Variants in DCC observed in about 807,000 individuals in gnomAD.
DCC encodes DCC netrin 1 receptor.
A neutral mutation model predicts 172.5 loss-of-function variants in DCC; 58 were observed. The ratio of observed to expected loss-of-function variants is 0.34; its 90% CI spans 0.27 to 0.42. The LOEUF (loss-of-function observed/expected upper bound fraction) is 0.42. Among genes scored for constraint, DCC ranks in the 10% least tolerant of loss-of-function variants. The probability of loss-of-function intolerance (pLI) is 1.00; values close to 1 mark genes in which losing one functional copy is unlikely to be tolerated. For missense variants in DCC, 1,740 were observed against 1,791.0 expected, an observed-to-expected ratio of 0.97 and a Z score of 0.51; for synonymous variants, 709 against 644.5, an observed-to-expected ratio of 1.10 and a Z score of -1.52.
intron 1 of DCC, among the ~76,000 whole-genome samples, chr18:52,433,013 C>T (rs1240435024): frequency 6.6e-6 from 1 of 152,044 alleles, no homozygotes; most frequent in African/African-American, 2.4e-5. Flanking sequence ...AAGAGTGTCA[C>T]AAATTTATTT....
At chr18:52,720,832 C>T (rs894866818) in intron 1 of DCC, among the ~76,000 whole-genome samples, 4 of 152,142 alleles carry the variant, frequency 2.6e-5, no homozygotes, top group Non-Finnish European at 4.4e-5. Flanking sequence ...ACCCCTTCCT[C>T]GGGATTTCTT....
chr18:53,360,961 C>T (rs1366708402), intron 15 of DCC, among the ~76,000 whole-genome samples: 1 of 152,106 alleles, frequency 6.6e-6, no homozygotes, highest in Non-Finnish European at 1.5e-5. Flanking sequence ...CCTCCAGAAC[C>T]TGTGACTGTG....
intron 1 of DCC, among the ~76,000 whole-genome samples, chr18:52,472,449 G>A (rs1024601930): frequency 9.9e-5 from 15 of 152,164 alleles, no homozygotes; most frequent in African/African-American, 2.7e-4. Context: ...GTTGGAGTAC[G>A]TTTGTCTTTG....
At chr18:53,493,308 C>G (rs2045980126) in intron 26 of DCC, among the ~76,000 whole-genome samples, 1 of 152,150 alleles carries the variant, frequency 6.6e-6, no homozygotes, top group Admixed American at 6.6e-5. Flanking sequence ...TAATTGAATA[C>G]TCTTTATTTC....
chr18:52,352,755 C>G (rs956635492), intron 1 of DCC, among the ~76,000 whole-genome samples: 3 of 152,110 alleles, frequency 2.0e-5, no homozygotes, highest in Non-Finnish European at 4.4e-5. Flanking sequence ...GAGATGTATT[C>G]CAGGCACAAG....
At position 52,984,581 on chromosome 18, in the gene DCC, CATTT is replaced by C. The variant is rs376636497; in HGVS notation, c.985+59217_985+59220del. Among the ~76,000 whole-genome samples, 12 of 152,078 alleles carry C rather than the reference CATTT, an allele frequency of 7.9e-5. No homozygotes were observed. The East Asian group carries it at 9.6e-4, about 12-fold the overall frequency. On this transcript the variant is annotated intron_variant, in intron 5 of 28. Coordinates refer to ENST00000442544, the MANE Select transcript of DCC (RefSeq NM_005215.4). ...TCCACTGTAATTAAGTGTGTTTATC[CATTT>C]ATTTAAGCCTTCAACTTTTATTATA...
chr18:53,132,424 A>G (rs1215139140), intron 7 of DCC, among the ~76,000 whole-genome samples: 9 of 152,160 alleles, frequency 5.9e-5, no homozygotes, highest in Admixed American at 5.9e-4. Context: ...TTCATCTAGA[A>G]AGACATGGGG....
intron 12 of DCC, among the ~76,000 whole-genome samples, chr18:53,295,077 C>T (rs1050276338): frequency 6.6e-6 from 1 of 152,028 alleles, no homozygotes; most frequent in African/African-American, 2.4e-5. Context: ...CCAACGTGTA[C>T]TTAAACATAC....
intron 2 of DCC, among the ~76,000 whole-genome samples, chr18:52,849,537 G>A (rs1378476318): frequency 1.3e-5 from 2 of 152,162 alleles, no homozygotes; most frequent in East Asian, 1.9e-4. Flanking sequence ...CAAGAAGAGA[G>A]TATTGGAAAC....
intron 1 of DCC, among the ~76,000 whole-genome samples, chr18:52,561,114 T>A (rs2033026467): frequency 6.6e-6 from 1 of 152,054 alleles, no homozygotes; most frequent in Non-Finnish European, 1.5e-5. Context: ...TTTTTTAATT[T>A]CTTTATTGCC....
rs1275215787 is a variant in DCC at position 53,351,456 on chromosome 18, TACAC to T, written c.2359+11551_2359+11554del. ...TATATATACAGTGTATATATATATA[TACAC>T]AGTGTGTATATATATATATATATAT... is the stretch of plus-strand genomic sequence containing the variant. On this transcript the variant is annotated intron_variant, in intron 15 of 28. Transcript: ENST00000442544. 1.2e-4 allele frequency among the ~76,000 whole-genome samples: 5 copies of T among 41,330 alleles called. 1 individual carries two copies. In the East Asian group the frequency reaches 2.1e-3, roughly 17 times the overall value. The allele number at this position is 41,330 out of a possible 152,430, so 27.1% of individuals were successfully genotyped here.
At position 52,827,857 on chromosome 18, in the gene DCC, G is replaced by C. The variant is rs572266214; in HGVS notation, c.412+75483G>C. On this transcript the variant is annotated intron_variant, in intron 2 of 28. Coordinates refer to ENST00000442544, the MANE Select transcript of DCC (RefSeq NM_005215.4). The stretch of plus-strand genomic sequence containing the variant: ...GGGCTTCAACTGAACACAAGTCCCA[G>C]TGGGGCTGGGTTCGTAGGTGTGTGA... 2.0e-5 allele frequency among the ~76,000 whole-genome samples: 3 copies of C among 152,218 alleles called. 1 individual carries two copies. The South Asian group carries it at 6.2e-4, about 32-fold the overall frequency.
At position 53,486,825 on chromosome 18, in the gene DCC, G is replaced by A. The variant is rs935877388; in HGVS notation, c.3765G>A (p.Thr1255=). 2.5e-6 allele frequency: 4 copies of A among 1,614,050 alleles called. No individual in the cohort carries two copies. The highest frequency in any genetic ancestry group is 3.4e-6 in the Non-Finnish European group (4 of 1,180,014). The change falls in exon 26 of 29, where the codon ACG becomes ACA. Residue 1255 remains threonine, a synonymous_variant. Coordinates refer to ENST00000442544, the MANE Select transcript of DCC (RefSeq NM_005215.4). ...TCGTGAGCGCCATCCCGGTGCCAAC[G>A]CTAGAAAGTGCCCAGTACCCAGGAA... ...PAVVSAIPVP[T]LESAQYPGIL... is the part of the protein sequence containing the mutation.
intron 19 of DCC, 123 bp downstream of exon 19, chr18:53,403,016 A>C: frequency 8.1e-6 from 6 of 744,366 alleles, no homozygotes; most frequent in African/African-American, 3.5e-5. Flanking sequence ...AGCTGACTCC[A>C]TGACCCTTTT....
chr18:53,355,333 A>G (rs1252082991), intron 15 of DCC, among the ~76,000 whole-genome samples: 8 of 152,018 alleles, frequency 5.3e-5, no homozygotes, highest in East Asian at 1.9e-4. Flanking sequence ...AGCTTGATGG[A>G]GATGGCATTG....
At chr18:53,050,290 AACACCCAGAT>A (rs199609253) in intron 5 of DCC, among the ~76,000 whole-genome samples, 14 of 150,518 alleles carry the variant, frequency 9.3e-5, no homozygotes, top group Admixed American at 6.9e-4. Flanking sequence ...AACACCCAGA[AACACCCAGAT>A]ACACCCGGAA....
intron 12 of DCC, among the ~76,000 whole-genome samples, chr18:53,302,358 C>T (rs190961620): frequency 2.6e-5 from 4 of 152,074 alleles, no homozygotes; most frequent in African/African-American, 4.8e-5. Context: ...GTACCCATTT[C>T]CAATCAAAAC....
In DCC at chr18:52,916,675, T is replaced by C. The variant is rs2040045836; in HGVS notation, c.698-7032T>C. Among the ~76,000 whole-genome samples, 5 of 152,152 alleles carry C rather than the reference T, an allele frequency of 3.3e-5. No individual in the cohort carries two copies. In the South Asian group the frequency reaches 1.0e-3, roughly 31 times the overall value. On this transcript the variant is annotated intron_variant, in intron 3 of 28. Coordinates refer to ENST00000442544, the MANE Select transcript of DCC (RefSeq NM_005215.4). Reference sequence around the variant, plus strand: ...ATAAATATGGTGCTAGATTTCACATTACAACTAATTTTCAAAACCCTGCTT... The same window carrying C: ...ATAAATATGGTGCTAGATTTCACATCACAACTAATTTTCAAAACCCTGCTT...
intron 1 of DCC, among the ~76,000 whole-genome samples, chr18:52,611,386 T>G (rs1221125396): frequency 6.6e-6 from 1 of 152,204 alleles, no homozygotes; most frequent in Non-Finnish European, 1.5e-5. Flanking sequence ...CCTAATTTTT[T>G]ATACACTCTC....
Sources: gnomAD v4.1 joint callset for allele counts (sites outside exome capture counted in the v4.1 genomes callset) on GRCh38, gnomAD v4.1.1 for gene constraint, MANE v1.5 for transcripts, NCBI Gene and HGNC (gene_info 2026-07-23, HGNC 2026-07-21) for gene names.